Variants in GALNT18 observed in about 807,000 individuals in gnomAD.
GALNT18 encodes GalNAc-transferase 18.
Under a neutral mutation model 69.5 loss-of-function variants are expected in GALNT18, and 44 were observed. That is an observed-to-expected ratio of 0.63 (90% CI 0.50 to 0.81). The LOEUF (loss-of-function observed/expected upper bound fraction) is 0.81. GALNT18 is among the 40% of genes least tolerant of loss of function. The pLI, the probability that GALNT18 is intolerant of heterozygous loss-of-function variation, is 0.00. For missense variants in GALNT18, 715 were observed against 810.0 expected (o/e 0.88, Z 1.42); for synonymous variants, 364 against 318.2 (o/e 1.14, Z -1.53).
intron 9 of GALNT18, among the ~76,000 whole-genome samples, chr11:11,295,673 C>A (rs2133009448): frequency 6.6e-6 from 1 of 152,054 alleles, no homozygotes; most frequent in African/African-American, 2.4e-5. Flanking sequence ...GAGGGAGGAG[C>A]AGAAGACGCT....
At position 11,606,022 on chromosome 11, in the gene GALNT18, CCT is replaced by C. The variant is rs1286780870; in HGVS notation, c.235+15335_235+15336del. On this transcript the variant is annotated intron_variant, in intron 1 of 10. Transcript: ENST00000227756. The surrounding 1 kb of genome is among the most constrained non-coding windows in gnomAD (Gnocchi z 5.4). ...CCCCAGAAGCATGAGCGTTCCTGTC[CCT>C]GACCCAAAAGCATAGCATAGAACAG... Among the ~76,000 whole-genome samples, 1 of 152,164 alleles carries C rather than the reference CCT, an allele frequency of 6.6e-6. No individual in the cohort carries two copies.
intron 10 of GALNT18, among the ~76,000 whole-genome samples, chr11:11,292,024 A>G (rs1564882781): frequency 6.6e-6 from 1 of 152,110 alleles, no homozygotes; most frequent in Non-Finnish European, 1.5e-5. Flanking sequence ...CAGTGCCCCC[A>G]GCAGCCTCCA....
Position 11,617,183 on chromosome 11 carries a change from T to G in GALNT18, c.235+4176A>C, listed in dbSNP as rs1322773508. 6.6e-6 allele frequency among the ~76,000 whole-genome samples: 1 copy of G among 152,188 alleles called. No individual in the cohort carries two copies. Among genetic ancestry groups the G allele is most frequent in the Non-Finnish European group, 1.5e-5 (1 of 68,028 alleles). On this transcript the variant is annotated intron_variant, in intron 1 of 10. Transcript: ENST00000227756. This position sits in a 1 kb window ranked among gnomAD's most constrained non-coding sequence, Gnocchi z 4.7. Reference sequence around the variant, plus strand: ...AAGTCTAGCAAATGAATGTACATTTTGGAAAACATTAAAATAAAAATATTT... The same window carrying G: ...AAGTCTAGCAAATGAATGTACATTTGGGAAAACATTAAAATAAAAATATTT...
intron 1 of GALNT18, among the ~76,000 whole-genome samples, chr11:11,492,555 T>C (rs35577167): frequency 0.23 from 34,763 of 152,168 alleles, 4,370 homozygotes; most frequent in Admixed American, 0.37. Flanking sequence ...TGCCATGGAA[T>C]ATTGTGCAGC....
At chr11:11,466,199 C>CA (rs1449315765) in intron 1 of GALNT18, among the ~76,000 whole-genome samples, 5 of 152,246 alleles carry the variant, frequency 3.3e-5, no homozygotes, top group Non-Finnish European at 7.3e-5. Flanking sequence ...AAATTGATTT[C>CA]ATGGCCTGCT....
intron 6 of GALNT18, among the ~76,000 whole-genome samples, chr11:11,350,732 C>T (rs113509942): frequency 2.0e-5 from 3 of 152,174 alleles, no homozygotes; most frequent in African/African-American, 7.2e-5. Context: ...TCCTTAGGTG[C>T]ACTTCTACTC....
At chr11:11,527,630 T>C (rs1857551325) in intron 1 of GALNT18, among the ~76,000 whole-genome samples, 1 of 152,200 alleles carries the variant, frequency 6.6e-6, no homozygotes, top group Non-Finnish European at 1.5e-5. Context: ...ATTATACATT[T>C]TTAAAACCCT....
intron 9 of GALNT18, among the ~76,000 whole-genome samples, chr11:11,299,652 T>A (rs1412294957): frequency 6.6e-6 from 1 of 152,256 alleles, no homozygotes; most frequent in Non-Finnish European, 1.5e-5. Flanking sequence ...CATTATCTCA[T>A]TCCTGTTCAT....
chr11:11,272,930 G>A (rs1848857190), intron 10 of GALNT18, among the ~76,000 whole-genome samples: 1 of 152,188 alleles, frequency 6.6e-6, no homozygotes, highest in South Asian at 2.1e-4. Flanking sequence ...TTAAGACTTG[G>A]TTCTCTACAC....
At chr11:11,495,175 G>A (rs1472149154) in intron 1 of GALNT18, among the ~76,000 whole-genome samples, 2 of 152,214 alleles carry the variant, frequency 1.3e-5, no homozygotes, top group African/African-American at 2.4e-5. Flanking sequence ...TGGACTCGGG[G>A]TTTCGAACCG....
chr11:11,439,760 G>A lies in GALNT18; in HGVS notation c.429-6973C>T, dbSNP rs536185467. On this transcript the variant is annotated intron_variant, in intron 2 of 10. Coordinates refer to ENST00000227756, the MANE Select transcript of GALNT18 (RefSeq NM_198516.3). The surrounding 1 kb of genome is among the most constrained non-coding windows in gnomAD (Gnocchi z 4.4). ...GCAGAAAGAATTCAGGTCCATAAGG[G>A]CTCTGTGGATGGGAATTCTACCATG... 6.6e-6 allele frequency among the ~76,000 whole-genome samples: 1 copy of A among 152,256 alleles called. No individual in the cohort carries two copies. The highest frequency in any genetic ancestry group is 1.9e-4 in the East Asian group (1 of 5,176).
chr11:11,419,619 A>AAAAAAAAAAAAAAG (rs1554932034), intron 3 of GALNT18, among the ~76,000 whole-genome samples: 2 of 128,454 alleles, frequency 1.6e-5, no homozygotes, highest in African/African-American at 2.8e-5. Flanking sequence ...AAAAAAAAAA[A>AAAAAAAAAAAAAAG]AAAGAAAGAA....
intron 1 of GALNT18, among the ~76,000 whole-genome samples, chr11:11,569,355 C>T (rs1208845395): frequency 6.6e-6 from 1 of 152,028 alleles, no homozygotes; most frequent in Non-Finnish European, 1.5e-5. Context: ...GGTAAGACCA[C>T]CACTTGCCCC....
At chr11:11,319,593 A>C (rs1028846850) in intron 9 of GALNT18, among the ~76,000 whole-genome samples, 1 of 152,202 alleles carries the variant, frequency 6.6e-6, no homozygotes, top group Non-Finnish European at 1.5e-5. Context: ...ATAGAATTCC[A>C]GGGTGCAAGA....
intron 3 of GALNT18, among the ~76,000 whole-genome samples, chr11:11,397,885 G>T (rs1439478659): frequency 1.3e-5 from 2 of 152,218 alleles, no homozygotes; most frequent in East Asian, 3.8e-4. Context: ...AGGGGCCGCT[G>T]GCTGGGGCCA....
Position 11,592,545 on chromosome 11 carries a change from C to T in GALNT18, c.235+28814G>A, listed in dbSNP as rs1350931271. On this transcript the variant is annotated intron_variant, in intron 1 of 10. Coordinates refer to ENST00000227756, the MANE Select transcript of GALNT18 (RefSeq NM_198516.3). This position sits in a 1 kb window ranked among gnomAD's most constrained non-coding sequence, Gnocchi z 5.9. Reference sequence around the variant, plus strand: ...TCACCTTACCCCCACACACAGCACACGCCCTGGGTCTGGCACAAGCTCAAA... The same window carrying T: ...TCACCTTACCCCCACACACAGCACATGCCCTGGGTCTGGCACAAGCTCAAA... Among the ~76,000 whole-genome samples, 2 of 152,166 alleles carry T rather than the reference C, an allele frequency of 1.3e-5. No homozygotes were observed. The highest frequency in any genetic ancestry group is 4.8e-5 in the African/African-American group (2 of 41,440).
At chr11:11,331,532 C>T (rs910587078) in intron 8 of GALNT18, among the ~76,000 whole-genome samples, 3 of 152,186 alleles carry the variant, frequency 2.0e-5, no homozygotes, top group African/African-American at 4.8e-5. Context: ...CTGGGGCAGG[C>T]TTTGAACTCA....
Position 11,323,081 on chromosome 11 carries a change from G to A in GALNT18, c.1512+4005C>T, listed in dbSNP as rs574888379. Among the ~76,000 whole-genome samples, 3 of 152,230 alleles carry A rather than the reference G, an allele frequency of 2.0e-5. No homozygotes were observed. In the South Asian group the frequency reaches 6.2e-4, roughly 32 times the overall value. Reference sequence around the variant, plus strand: ...AGGGTTTCAACATATGATTTTCAAGGAGGGGCACAATGCAGTCCATAACAT... The same window carrying A: ...AGGGTTTCAACATATGATTTTCAAGAAGGGGCACAATGCAGTCCATAACAT... On this transcript the variant is annotated intron_variant, in intron 9 of 10. Coordinates refer to ENST00000227756, the MANE Select transcript of GALNT18 (RefSeq NM_198516.3).
intron 1 of GALNT18, among the ~76,000 whole-genome samples, chr11:11,568,200 A>T (rs1470691104): frequency 6.6e-6 from 1 of 152,252 alleles, no homozygotes; most frequent in African/African-American, 2.4e-5. Context: ...AGCCCAGGTG[A>T]CATAAGGAAG....
Sources: gnomAD v4.1 joint callset for allele counts (sites outside exome capture counted in the v4.1 genomes callset) on GRCh38, gnomAD v4.1.1 for gene constraint, Gnocchi (gnomAD v3.1) non-coding constraint, MANE v1.5 for transcripts, NCBI Gene and HGNC (gene_info 2026-07-23, HGNC 2026-07-21) for gene names.